The following SLC9C2 variants were observed in gnomAD, a reference collection of about 807,000 sequenced individuals.
SLC9C2 encodes solute carrier family 9 member C2 (putative).
A neutral mutation model predicts 140.2 loss-of-function variants in SLC9C2; 75 were observed. The ratio of observed to expected loss-of-function variants is 0.53; its 90% CI spans 0.44 to 0.65. SLC9C2 has a LOEUF of 0.65. Ranked by LOEUF, SLC9C2 falls within the 30% of genes least tolerant of loss-of-function variation. The pLI is 0.00. For synonymous variants in SLC9C2, 375 were observed against 420.9 expected (o/e 0.89, Z 1.34); for missense variants, 1,074 against 1,331.8 (o/e 0.81, Z 3.01).
At position 173,548,413 on chromosome 1, in the gene SLC9C2, A is replaced by T; in HGVS notation, c.1437T>A (p.Asp479Glu). The T allele has an allele frequency of 6.2e-7, 1 of 1,613,048 alleles. No homozygotes were observed. ...CAGGAATGTATTCGATCCTCGTTTT[A>T]TCTTCTACTAAGGTCCAGTTAACAT... ...LTNVNWTLVE[D>E]KTRIEYIPFS... The change falls in exon 12 of 28, where the codon GAT becomes GAA. Residue 479 changes from aspartate (D) to glutamate (E), a missense_variant. By Grantham distance (45) the Asp-to-Glu change is conservative. Transcript: ENST00000367714.
At chr1:173,564,139 T>C (rs1664296188) in intron 9 of SLC9C2, among the ~76,000 whole-genome samples, 1 of 152,256 alleles carries the variant, frequency 6.6e-6, no homozygotes, top group Admixed American at 6.5e-5. Context: ...AAATCTTGGT[T>C]ATTGTGAATA....
intron 17 of SLC9C2, among the ~76,000 whole-genome samples, chr1:173,530,587 T>A (rs1661512025): frequency 6.6e-6 from 1 of 152,180 alleles, no homozygotes; most frequent in African/African-American, 2.4e-5. Context: ...GGATTTTAAA[T>A]ATACACCTCT....
At chr1:173,547,156 A>G (rs1469451976) in intron 13 of SLC9C2, among the ~76,000 whole-genome samples, 1 of 151,984 alleles carries the variant, frequency 6.6e-6, no homozygotes, top group Non-Finnish European at 1.5e-5. Flanking sequence ...TTTGATTATA[A>G]CTCCAGTTTA....
At chr1:173,585,149 A>G (rs1665773613) in intron 5 of SLC9C2, among the ~76,000 whole-genome samples, 1 of 152,206 alleles carries the variant, frequency 6.6e-6, no homozygotes, top group African/African-American at 2.4e-5. Context: ...CTTTAAAATA[A>G]AAGTTATTTA....
intron 10 of SLC9C2, among the ~76,000 whole-genome samples, chr1:173,556,623 T>C (rs1663720605): frequency 6.6e-6 from 1 of 152,050 alleles, no homozygotes; most frequent in Admixed American, 6.6e-5. Context: ...ATTGAAAAAT[T>C]GCATTTGTAC....
chr1:173,534,823 A>C, intron 15 of SLC9C2, 141 bp from the exon 16 acceptor site: 1 of 656,516 alleles, frequency 1.5e-6, no homozygotes, highest in Non-Finnish European at 2.2e-6. Context: ...AATCAAAAGC[A>C]TATTTTCTAT....
intron 13 of SLC9C2, among the ~76,000 whole-genome samples, chr1:173,541,477 A>G (rs962180812): frequency 6.6e-6 from 1 of 152,226 alleles, no homozygotes; most frequent in African/African-American, 2.4e-5. Flanking sequence ...AAGGATATCC[A>G]GGACTTGAAC....
chr1:173,547,814 A>G (rs916157024), intron 12 of SLC9C2, 30 bp from the exon 13 acceptor site: 3 of 1,489,644 alleles, frequency 2.0e-6, no homozygotes, highest in Non-Finnish European at 1.9e-6. Context: ...ATTTTAAAAC[A>G]TAAAGGGATA....
At chr1:173,529,768 A>G in intron 18 of SLC9C2, 137 bp downstream of exon 18, 2 of 902,258 alleles carry the variant, frequency 2.2e-6, no homozygotes, top group Non-Finnish European at 3.4e-6. Context: ...AGCACCTCAT[A>G]TGATATAATA....
At chr1:173,543,870 A>T (rs1477288829) in intron 13 of SLC9C2, among the ~76,000 whole-genome samples, 1 of 152,254 alleles carries the variant, frequency 6.6e-6, no homozygotes, top group African/African-American at 2.4e-5. Context: ...TGGATTAAAG[A>T]CTTAAATGTT....
Position 173,521,389 on chromosome 1 carries a change from T to C in SLC9C2, c.2651A>G (p.Lys884Arg). 1.3e-6 allele frequency: 2 copies of C among 1,517,368 alleles called. No homozygotes were observed. The highest frequency in any genetic ancestry group is 1.8e-6 in the Non-Finnish European group (2 of 1,140,326). The allele number at this position is 1,517,368 out of a possible 1,614,324, so 94.0% of individuals were successfully genotyped here. ...ATCTCCAGAGTCAAAACAGGCAAGTTTGGCTCTTTCCTGAGTGGGAAAAAA... is the reference window on the plus strand; with the variant it reads ...ATCTCCAGAGTCAAAACAGGCAAGTCTGGCTCTTTCCTGAGTGGGAAAAAA... The part of the protein sequence containing the change: ...VLIDFFKERA[K>R]LACFDSGDTI... Residue 884 changes from lysine to arginine, a missense_variant, in exon 22 of 28, where the codon AAA becomes AGA. Physicochemically the swap from Lys to Arg is conservative, Grantham distance 26. Coordinates refer to ENST00000367714, the MANE Select transcript of SLC9C2 (RefSeq NM_178527.4).
intron 15 of SLC9C2, 113 bp from the exon 16 acceptor site, chr1:173,534,795 A>G (rs1661826411): frequency 1.2e-6 from 1 of 851,916 alleles, no homozygotes; most frequent in South Asian, 2.9e-5. Context: ...TACATAATAT[A>G]AAATAATAGT....
At position 173,526,711 on chromosome 1, in the gene SLC9C2, G is replaced by C; in HGVS notation, c.2317C>G (p.Leu773Val). Residue 773 changes from leucine to valine, a missense_variant, in exon 19 of 28, where the codon CTA becomes GTA. Leu to Val is a conservative substitution (Grantham distance 32). Coordinates refer to ENST00000367714, the MANE Select transcript of SLC9C2 (RefSeq NM_178527.4). ...IAVCESIYQK[L>V]CEILETNKQD... ...TTGTTGGTTTCCAAAATTTCACATAGTTTCTGTAAAAAATTAAGAAAAACA... is the reference window on the plus strand; with the variant it reads ...TTGTTGGTTTCCAAAATTTCACATACTTTCTGTAAAAAATTAAGAAAAACA... 1 of 1,583,374 alleles carries C rather than the reference G, an allele frequency of 6.3e-7. No homozygotes were observed. Among genetic ancestry groups the C allele is most frequent in the Non-Finnish European group, 8.6e-7 (1 of 1,169,444 alleles).
intron 22 of SLC9C2, among the ~76,000 whole-genome samples, chr1:173,519,088 T>C (rs989355599): frequency 1.1e-4 from 16 of 152,006 alleles, no homozygotes; most frequent in Non-Finnish European, 4.4e-5. Context: ...CTGTACCAGA[T>C]TAGTATTTGA....
intron 21 of SLC9C2, among the ~76,000 whole-genome samples, chr1:173,521,870 G>A (rs1421428151): frequency 4.5e-5 from 6 of 133,380 alleles, no homozygotes; most frequent in Admixed American, 2.5e-4. Flanking sequence ...AAGAAGACAG[G>A]GACAGGGCGC....
chr1:173,544,116 G>T (rs1662651459), intron 13 of SLC9C2, among the ~76,000 whole-genome samples: 1 of 152,090 alleles, frequency 6.6e-6, no homozygotes, highest in Non-Finnish European at 1.5e-5. Context: ...ATCTGACAAA[G>T]GGCTAATATC....
chr1:173,524,910 C>T lies in SLC9C2; in HGVS notation c.2383G>A (p.Gly795Ser), dbSNP rs1363771691. 6 of 1,613,876 alleles carry T rather than the reference C, an allele frequency of 3.7e-6. No homozygotes were observed. In the African/African-American group the frequency reaches 8.0e-5, roughly 22 times the overall value. The change falls in exon 20 of 28, where the codon GGT becomes AGT. Residue 795 changes from glycine to serine, a missense_variant. Coordinates refer to ENST00000367714, the MANE Select transcript of SLC9C2 (RefSeq NM_178527.4). ...VKELVLMEHEGRDVVIALKTK... is the reference protein window; with the variant it reads ...VKELVLMEHESRDVVIALKTK... ...TTCAAAGCAATGACAACATCACGAC[C>T]CTCATGCTCCATGAGTACTACAGCA...
intron 13 of SLC9C2, among the ~76,000 whole-genome samples, chr1:173,540,338 G>C (rs1025770272): frequency 2.0e-5 from 3 of 152,200 alleles, no homozygotes; most frequent in Non-Finnish European, 2.9e-5. Context: ...CCAACACACA[G>C]AACCATGAGA....
chr1:173,504,916 T>C (rs1659523185), intron 26 of SLC9C2, among the ~76,000 whole-genome samples: 1 of 152,058 alleles, frequency 6.6e-6, no homozygotes, highest in South Asian at 2.1e-4. Flanking sequence ...TGTGAAAGAG[T>C]CTGTTCCCTC....
Sources: allele counts gnomAD v4.1 joint callset (sites outside exome capture counted in the v4.1 genomes callset), GRCh38; gene constraint gnomAD v4.1.1; transcripts MANE v1.5; gene names NCBI Gene and HGNC (gene_info 2026-07-23, HGNC 2026-07-21).